Variants in ME1 observed in about 807,000 individuals in gnomAD.
The protein encoded by ME1 is malic enzyme 1.
ME1 carries 74 observed loss-of-function variants against 66.4 expected under a neutral mutation model. The ratio of observed to expected loss-of-function variants is 1.11; its 90% CI spans 0.92 to 1.35. The LOEUF (loss-of-function observed/expected upper bound fraction) is 1.35, where lower values mean the gene tolerates loss of function less well. Among genes scored for constraint, ME1 ranks in the 40% most tolerant of loss-of-function variants. The pLI, the probability that ME1 is intolerant of heterozygous loss-of-function variation, is 0.00. For missense variants in ME1, 750 were observed against 694.1 expected (o/e 1.08, Z -0.90); for synonymous variants, 251 against 235.6 (o/e 1.07, Z -0.60).
chr6:83,226,432 T>C (rs1790200170), intron 11 of ME1, among the ~76,000 whole-genome samples: 2 of 152,112 alleles, frequency 1.3e-5, no homozygotes, highest in African/African-American at 4.8e-5. Flanking sequence ...GAAAGGACTT[T>C]TTTTTCCTTT....
intron 7 of ME1, among the ~76,000 whole-genome samples, chr6:83,251,064 C>T (rs1349167896): frequency 6.6e-6 from 1 of 152,188 alleles, no homozygotes; most frequent in Non-Finnish European, 1.5e-5. Flanking sequence ...TGATTTGTTC[C>T]ACTAACGTTA....
At chr6:83,352,970 C>T (rs1768828823) in intron 3 of ME1, among the ~76,000 whole-genome samples, 1 of 152,122 alleles carries the variant, frequency 6.6e-6, no homozygotes, top group South Asian at 2.1e-4. Context: ...AAAGACTCTT[C>T]CCTTCTAAGT....
intron 3 of ME1, among the ~76,000 whole-genome samples, chr6:83,366,360 T>C (rs945675816): frequency 5.3e-5 from 8 of 152,148 alleles, no homozygotes; most frequent in Non-Finnish European, 1.2e-4. Flanking sequence ...AGAAATCCCA[T>C]AGAACCCTGC....
At chr6:83,407,652 C>T (rs1297592373) in intron 2 of ME1, 116 bp downstream of exon 2, 2 of 1,014,480 alleles carry the variant, frequency 2.0e-6, no homozygotes, top group Non-Finnish European at 2.8e-6. Flanking sequence ...GAAAATTCTT[C>T]TCAAAGTTGG....
intron 7 of ME1, among the ~76,000 whole-genome samples, chr6:83,245,977 T>C (rs1196078880): frequency 6.6e-6 from 1 of 152,206 alleles, no homozygotes; most frequent in Non-Finnish European, 1.5e-5. Context: ...GAAAAATCTA[T>C]GAGTAAGAGG....
chr6:83,224,284 G>A (rs1306973964), intron 11 of ME1, among the ~76,000 whole-genome samples: 1 of 152,116 alleles, frequency 6.6e-6, no homozygotes, highest in Admixed American at 6.6e-5. Flanking sequence ...AAAATGATGG[G>A]CTAATATTTA....
At chr6:83,266,829 G>A (rs1766998061) in intron 6 of ME1, among the ~76,000 whole-genome samples, 1 of 152,068 alleles carries the variant, frequency 6.6e-6, no homozygotes, top group Admixed American at 6.6e-5. Flanking sequence ...GAATTCTACT[G>A]GCAGAGTCTC....
intron 5 of ME1, among the ~76,000 whole-genome samples, chr6:83,317,174 T>G (rs773087696): frequency 6.6e-6 from 1 of 152,184 alleles, no homozygotes; most frequent in Non-Finnish European, 1.5e-5. Context: ...GACTTGCTGG[T>G]AAAAGATGTG....
chr6:83,332,874 A>G (rs1583386745), intron 5 of ME1, among the ~76,000 whole-genome samples: 2 of 152,204 alleles, frequency 1.3e-5, no homozygotes, highest in African/African-American at 4.8e-5. Flanking sequence ...CCGTGTAACC[A>G]AAAACCACTT....
chr6:83,399,938 T>A (rs955059443), intron 2 of ME1, among the ~76,000 whole-genome samples: 2 of 152,196 alleles, frequency 1.3e-5, no homozygotes, highest in African/African-American at 4.8e-5. Context: ...AATTTGGCAA[T>A]GTGGAAATTA....
chr6:83,266,948 C>A (rs928091485), intron 6 of ME1, among the ~76,000 whole-genome samples: 7 of 152,042 alleles, frequency 4.6e-5, no homozygotes, highest in Non-Finnish European at 1.0e-4. Context: ...GACTCTGGAA[C>A]TTTTTTTGAA....
intron 8 of ME1, 55 bp from the exon 9 acceptor site, chr6:83,237,885 G>A: frequency 1.1e-6 from 1 of 890,628 alleles, no homozygotes; most frequent in South Asian, 1.9e-5. Context: ...TCTTATTAAG[G>A]GTTACATTTC....
chr6:83,309,371 AG>A (rs1259068270), intron 6 of ME1, among the ~76,000 whole-genome samples: 2 of 152,196 alleles, frequency 1.3e-5, no homozygotes, highest in African/African-American at 4.8e-5. Flanking sequence ...ACTGACAATG[AG>A]AAAAGGTTAG....
intron 9 of ME1, among the ~76,000 whole-genome samples, chr6:83,231,382 G>A (rs2128524451): frequency 6.6e-6 from 1 of 152,184 alleles, no homozygotes; most frequent in East Asian, 1.9e-4. Context: ...TACAAGTGCT[G>A]AAAGAATGCT....
At chr6:83,295,957 G>A (rs1767591190) in intron 6 of ME1, among the ~76,000 whole-genome samples, 1 of 151,900 alleles carries the variant, frequency 6.6e-6, no homozygotes, top group African/African-American at 2.4e-5. Flanking sequence ...ACTCTCCCAA[G>A]ACTAAATCAG....
At chr6:83,248,254 A>G (rs1790659200) in intron 7 of ME1, among the ~76,000 whole-genome samples, 1 of 152,220 alleles carries the variant, frequency 6.6e-6, no homozygotes, top group African/African-American at 2.4e-5. Context: ...ATTATTTAAT[A>G]CTGGTCTTTA....
At chr6:83,217,327 A>C (rs1790012344) in intron 12 of ME1, among the ~76,000 whole-genome samples, 1 of 152,222 alleles carries the variant, frequency 6.6e-6, no homozygotes, top group Non-Finnish European at 1.5e-5. Context: ...ATGTGGATGC[A>C]GAGAGGGAGT....
intron 6 of ME1, among the ~76,000 whole-genome samples, chr6:83,295,667 C>A (rs914976381): frequency 2.6e-5 from 4 of 151,864 alleles, no homozygotes; most frequent in African/African-American, 9.7e-5. Flanking sequence ...AAGAAATAAC[C>A]AAAATCAGAG....
intron 12 of ME1, among the ~76,000 whole-genome samples, chr6:83,217,390 G>A (rs1409827936): frequency 6.6e-6 from 1 of 152,090 alleles, no homozygotes; most frequent in Non-Finnish European, 1.5e-5. Context: ...TTATTTTTCA[G>A]TATATCTTAA....
Sources: allele counts gnomAD v4.1 joint callset (sites outside exome capture counted in the v4.1 genomes callset), GRCh38; gene constraint gnomAD v4.1.1; transcripts MANE v1.5; gene names NCBI Gene and HGNC (gene_info 2026-07-23, HGNC 2026-07-21).